The following PMFBP1 variants were observed in gnomAD, a reference collection of about 807,000 sequenced individuals.
The protein encoded by PMFBP1 is polyamine-modulated factor 1-binding protein 1.
In PMFBP1, 131 loss-of-function variants were observed where a neutral mutation model predicts 137.8. That is an observed-to-expected ratio of 0.95 (90% confidence interval 0.82 to 1.10). PMFBP1 has a LOEUF of 1.10. Ranked by LOEUF, PMFBP1 falls within the 50% of genes least tolerant of loss-of-function variation. The pLI, the probability that PMFBP1 is intolerant of heterozygous loss-of-function variation, is 0.00. For missense variants in PMFBP1, 1,199 were observed against 1,175.4 expected (o/e 1.02, Z -0.29); for synonymous variants, 490 against 450.4 (o/e 1.09, Z -1.11).
intron 7 of PMFBP1, among the ~76,000 whole-genome samples, chr16:72,137,390 T>A (rs570729564): frequency 1.8e-4 from 27 of 151,616 alleles, no homozygotes; most frequent in South Asian, 4.2e-4. Context: ...TTATAGAAAA[T>A]GTTAACAGTG....
At chr16:72,150,870 C>T (rs941209491) in intron 4 of PMFBP1, 41 bp from the exon 5 acceptor site, 6 of 1,548,846 alleles carry the variant, frequency 3.9e-6, no homozygotes, top group Non-Finnish European at 5.3e-6. Flanking sequence ...CCCATGGAAG[C>T]ACGTAATGAG....
At chr16:72,132,363 G>C (rs1309061820) in intron 10 of PMFBP1, among the ~76,000 whole-genome samples, 1 of 152,166 alleles carries the variant, frequency 6.6e-6, no homozygotes, top group African/African-American at 2.4e-5. Flanking sequence ...GTATTTGGGG[G>C]CAAAAAGGCG....
upstream of PMFBP1, among the ~76,000 whole-genome samples, chr16:72,181,044 T>G (rs552390351): frequency 1.2e-3 from 175 of 152,066 alleles, no homozygotes; most frequent in African/African-American, 3.8e-3. Flanking sequence ...ATCGAGACCA[T>G]CCTGGCCAAC....
chr16:72,226,793 C>T, the PMFBP1 span, among the ~76,000 whole-genome samples: 4 of 152,104 alleles, frequency 2.6e-5, no homozygotes, highest in African/African-American at 7.2e-5. Context: ...ATTTCAGTCT[C>T]GCCACAACAT....
chr16:72,187,279 G>A, the PMFBP1 span, among the ~76,000 whole-genome samples: 1 of 152,158 alleles, frequency 6.6e-6, no homozygotes, highest in Non-Finnish European at 1.5e-5. Context: ...CCTTAGATGA[G>A]TCTGCAGATT....
intron 4 of PMFBP1, among the ~76,000 whole-genome samples, chr16:72,152,947 C>A (rs573211749): frequency 1.3e-5 from 2 of 151,968 alleles, no homozygotes; most frequent in East Asian, 3.9e-4. Context: ...TGGTGGAACC[C>A]AAGGATAGAC....
chr16:72,209,257 G>C, the PMFBP1 span, among the ~76,000 whole-genome samples: 1 of 152,164 alleles, frequency 6.6e-6, no homozygotes, highest in East Asian at 1.9e-4. Flanking sequence ...GGTTGGCTTT[G>C]CATGATATGT....
chr16:72,149,036 C>G (rs535879055), intron 5 of PMFBP1, among the ~76,000 whole-genome samples: 2 of 152,298 alleles, frequency 1.3e-5, no homozygotes. Context: ...CATCGCAGCT[C>G]GACTTCTTCC....
At chr16:72,150,583 T>A (rs199714620) in intron 5 of PMFBP1, 25 bp downstream of exon 5, 5 of 1,607,544 alleles carry the variant, frequency 3.1e-6, no homozygotes, top group Non-Finnish European at 4.3e-6. Context: ...CTTGCCTGGA[T>A]TGAATGGCCT....
the PMFBP1 span, among the ~76,000 whole-genome samples, chr16:72,213,660 T>A: frequency 6.6e-6 from 1 of 152,208 alleles, no homozygotes; most frequent in Non-Finnish European, 1.5e-5. Context: ...CTGGTTATTT[T>A]CCCACAGAAA....
chr16:72,122,697 C>T (rs2042393141), intron 19 of PMFBP1, among the ~76,000 whole-genome samples: 1 of 152,228 alleles, frequency 6.6e-6, no homozygotes, highest in Non-Finnish European at 1.5e-5. Flanking sequence ...GACTACTAAA[C>T]TCCCTTTGGA....
chr16:72,165,879 G>C (rs1040378809), intron 2 of PMFBP1, among the ~76,000 whole-genome samples: 1 of 152,124 alleles, frequency 6.6e-6, no homozygotes, highest in African/African-American at 2.4e-5. Context: ...AGAATGTGTG[G>C]GGCATAGTAA....
At chr16:72,136,919 A>C in intron 7 of PMFBP1, 100 bp from the exon 8 acceptor site, 4 of 1,507,230 alleles carry the variant, frequency 2.7e-6, no homozygotes, top group Non-Finnish European at 2.7e-6. Flanking sequence ...GTAGGGACAA[A>C]GTAGCAGAGT....
In PMFBP1 at chr16:72,136,586, C is replaced by G; in HGVS notation, c.1065G>C (p.Leu355=). Residue 355 remains leucine (L), a synonymous_variant, in exon 9 of 21, where the codon CTG becomes CTC. Coordinates refer to ENST00000237353, the MANE Select transcript of PMFBP1 (RefSeq NM_031293.3). ...TCTCCTCCCGCAGTCCGTGCAGGTC[C>G]AGCTCCAGCTTCATCATGTCTACCA... ...NIMKDMMKLE[L]DLHGLREETS... is the part of the protein sequence containing the mutation. The G allele has an allele frequency of 6.2e-7, 1 of 1,614,118 alleles. No homozygotes were observed. The highest frequency in any genetic ancestry group is 8.5e-7 in the Non-Finnish European group (1 of 1,180,012).
At chr16:72,170,518 C>T (rs1214560888) in intron 2 of PMFBP1, among the ~76,000 whole-genome samples, 2 of 152,164 alleles carry the variant, frequency 1.3e-5, no homozygotes, top group African/African-American at 4.8e-5. Context: ...CAGCTTCAAC[C>T]TCCCAGGCTC....
intron 3 of PMFBP1, among the ~76,000 whole-genome samples, chr16:72,163,232 C>A (rs2043089872): frequency 6.6e-6 from 1 of 152,060 alleles, no homozygotes; most frequent in Admixed American, 6.5e-5. Context: ...GAAATGAAGA[C>A]CACAAGTAAA....
At chr16:72,150,253 A>G (rs1005291281) in intron 5 of PMFBP1, among the ~76,000 whole-genome samples, 4 of 152,094 alleles carry the variant, frequency 2.6e-5, no homozygotes, top group African/African-American at 9.7e-5. Flanking sequence ...CTGTGAAAGG[A>G]AGAGGGAGGA....
chr16:72,246,371 A>G, the PMFBP1 span, among the ~76,000 whole-genome samples: 1 of 152,168 alleles, frequency 6.6e-6, no homozygotes, highest in African/African-American at 2.4e-5. Context: ...GTTGGATAAC[A>G]TCAGACTCCT....
chr16:72,191,505 A>T, the PMFBP1 span, among the ~76,000 whole-genome samples: 1 of 152,242 alleles, frequency 6.6e-6, no homozygotes, highest in Non-Finnish European at 1.5e-5. Context: ...GACTTGGCTC[A>T]TTGCTTAAGC....
Sources: gnomAD v4.1 joint callset for allele counts (sites outside exome capture counted in the v4.1 genomes callset) on GRCh38, gnomAD v4.1.1 for gene constraint, MANE v1.5 for transcripts, NCBI Gene and HGNC (gene_info 2026-07-23, HGNC 2026-07-21) for gene names.